The following STX6 variants were observed in gnomAD, a reference collection of about 807,000 sequenced individuals.
STX6 encodes syntaxin 6, also known as syntaxin-6.
In STX6, 23 loss-of-function variants were observed where a neutral mutation model predicts 38.0. That is an observed-to-expected ratio of 0.60 (90% CI 0.43 to 0.86). The LOEUF (loss-of-function observed/expected upper bound fraction) is 0.86. Among genes scored for constraint, STX6 ranks in the 40% least tolerant of loss-of-function variants. The pLI is 0.00. For synonymous variants in STX6, 123 were observed against 107.5 expected, an observed-to-expected ratio of 1.14 and a Z score of -0.89; for missense variants, 274 against 312.9, an observed-to-expected ratio of 0.88 and a Z score of 0.94.
chr1:180,989,854 C>A, intron 5 of STX6, 130 bp downstream of exon 5: 1 of 1,125,452 alleles, frequency 8.9e-7, no homozygotes, highest in Non-Finnish European at 1.3e-6. Flanking sequence ...TTATTAAACA[C>A]AATCAACACA....
intron 7 of STX6, among the ~76,000 whole-genome samples, chr1:180,979,075 A>G (rs756686433): frequency 6.6e-6 from 1 of 152,250 alleles, no homozygotes; most frequent in Non-Finnish European, 1.5e-5. Flanking sequence ...ACATGCAAGA[A>G]CACATGGATA....
intron 3 of STX6, among the ~76,000 whole-genome samples, chr1:180,995,217 G>C (rs371988367): frequency 6.6e-6 from 1 of 151,944 alleles, no homozygotes; most frequent in Non-Finnish European, 1.5e-5. Context: ...CACCTCGGCC[G>C]CCCAAAGTGC....
intron 1 of STX6, among the ~76,000 whole-genome samples, chr1:181,008,336 T>C (rs887231409): frequency 6.6e-6 from 1 of 152,124 alleles, no homozygotes; most frequent in Admixed American, 6.5e-5. Context: ...GGACCAGAAA[T>C]GTTTGGGATT....
rs1038290881 is a variant in STX6 at position 180,976,401 on chromosome 1, C to T, written c.*169G>A. 7 of 640,422 alleles carry T rather than the reference C, an allele frequency of 1.1e-5. No homozygotes were observed. Among genetic ancestry groups the T allele is most frequent in the Middle Eastern group, 4.2e-4 (1 of 2,392 alleles). The allele number at this position is 640,422 out of a possible 1,614,324, so 39.7% of individuals were successfully genotyped here. ...TTCCTCTTCCCACTGGCCCTTCCAG[C>T]GCTGGGATGGAGGAGCCATGTCAAT... is the stretch of plus-strand genomic sequence containing the variant. On this transcript the variant is annotated 3_prime_UTR_variant, in exon 8 of 8. Coordinates refer to ENST00000258301, the MANE Select transcript of STX6 (RefSeq NM_005819.6).
At chr1:180,982,250 A>G (rs1444965285) in intron 7 of STX6, among the ~76,000 whole-genome samples, 2 of 152,190 alleles carry the variant, frequency 1.3e-5, no homozygotes, top group Non-Finnish European at 2.9e-5. Context: ...AACTTCTGCA[A>G]AAATTATGGA....
chr1:181,000,159 C>T (rs1279777462), intron 3 of STX6, among the ~76,000 whole-genome samples: 1 of 152,198 alleles, frequency 6.6e-6, no homozygotes, highest in African/African-American at 2.4e-5. Flanking sequence ...TGATTTAAAA[C>T]CCTAAAATAT....
chr1:181,012,427 C>T (rs933519613), intron 1 of STX6, among the ~76,000 whole-genome samples: 9 of 152,234 alleles, frequency 5.9e-5, no homozygotes, highest in Admixed American at 4.6e-4. Flanking sequence ...CTTTTCCTCC[C>T]TGCTGTCTAC....
chr1:180,995,613 T>C (rs1298439055), intron 3 of STX6, among the ~76,000 whole-genome samples: 2 of 152,208 alleles, frequency 1.3e-5, no homozygotes, highest in Non-Finnish European at 2.9e-5. Context: ...CCCAGCACTT[T>C]GGGAAGCCAA....
chr1:181,000,915 AT>A (rs1189875358), intron 3 of STX6, among the ~76,000 whole-genome samples: 2 of 150,548 alleles, frequency 1.3e-5, no homozygotes, highest in African/African-American at 4.9e-5. Flanking sequence ...ATAATTGGGG[AT>A]TTACTTATCT....
intron 3 of STX6, among the ~76,000 whole-genome samples, chr1:180,995,792 G>A (rs1259027177): frequency 6.6e-6 from 1 of 152,124 alleles, no homozygotes. Flanking sequence ...TGCAAGTATG[G>A]GAAAGTGACA....
At position 180,993,366 on chromosome 1, in the gene STX6, T is replaced by C. The variant is rs1655807231; in HGVS notation, c.360A>G (p.Arg120=). 1 of 1,543,482 alleles carries C rather than the reference T, an allele frequency of 6.5e-7. No individual in the cohort carries two copies. The highest frequency in any genetic ancestry group is 9.0e-7 in the Non-Finnish European group (1 of 1,116,880). Residue 120 remains arginine (R), a synonymous_variant, in exon 4 of 8, where the codon AGA becomes AGG. Coordinates refer to ENST00000258301, the MANE Select transcript of STX6 (RefSeq NM_005819.6). The part of the protein sequence containing the change: ...SVQALAERKN[R]QALLGDSGSQ... ...TTATATTCTGATGTTTTCTCACCTG[T>C]CTATTTTTTCTTTCAGCTAATGCCT...
Position 180,973,253 on chromosome 1 carries a change from T to C in STX6, c.*3317A>G, listed in dbSNP as rs913547710. The C allele has an allele frequency of 6.6e-6, 1 of 152,200 alleles. No homozygotes were observed. The highest frequency in any genetic ancestry group is 2.4e-5 in the African/African-American group (1 of 41,430). 9.4% of individuals were successfully genotyped at this position (152,200 alleles called of 1,614,324 possible). A position where few individuals can be genotyped will look rare whatever the true frequency, so the allele number is the denominator to read the frequency against. ...TGCAGTACAAGGTGAAGCCAAATGG[T>C]ACAAAGTCCACAGAATTGAAAAGCC... is the stretch of plus-strand genomic sequence containing the variant. On this transcript the variant is annotated 3_prime_UTR_variant, in exon 8 of 8. Coordinates refer to ENST00000258301, the MANE Select transcript of STX6 (RefSeq NM_005819.6).
At chr1:181,019,928 C>T (rs375153277) in intron 1 of STX6, among the ~76,000 whole-genome samples, 5 of 151,910 alleles carry the variant, frequency 3.3e-5, no homozygotes, top group South Asian at 2.1e-4. Flanking sequence ...TTTGGGAGGC[C>T]GAGACAGGTG....
chr1:180,976,402 G>A lies in STX6; in HGVS notation c.*168C>T, dbSNP rs1012898614. 6 of 642,508 alleles carry A rather than the reference G, an allele frequency of 9.3e-6. No individual in the cohort carries two copies. The highest frequency in any genetic ancestry group is 5.5e-5 in the East Asian group (2 of 36,682). 39.8% of individuals were successfully genotyped at this position (642,508 alleles called of 1,614,324 possible). The stretch of plus-strand genomic sequence containing the variant: ...TCCTCTTCCCACTGGCCCTTCCAGC[G>A]CTGGGATGGAGGAGCCATGTCAATT... On this transcript the variant is annotated 3_prime_UTR_variant, in exon 8 of 8. Transcript: ENST00000258301.
intron 3 of STX6, 55 bp downstream of exon 3, chr1:181,002,551 C>T: frequency 7.7e-7 from 1 of 1,303,352 alleles, no homozygotes; most frequent in South Asian, 1.3e-5. Flanking sequence ...GGAAAGAGCT[C>T]TAAGAAGTCT....
chr1:181,003,838 T>C (rs146266342), intron 2 of STX6, among the ~76,000 whole-genome samples: 2 of 152,348 alleles, frequency 1.3e-5, no homozygotes, highest in African/African-American at 4.8e-5. Flanking sequence ...GTCAGATCAG[T>C]GGACTTACTT....
intron 1 of STX6, among the ~76,000 whole-genome samples, chr1:181,013,114 A>G (rs370322016): frequency 1.3e-5 from 2 of 151,814 alleles, no homozygotes; most frequent in African/African-American, 4.8e-5. Context: ...TCACCAAACT[A>G]GCCTCTGGGG....
chr1:181,014,120 G>A (rs765268578), intron 1 of STX6, among the ~76,000 whole-genome samples: 19 of 152,282 alleles, frequency 1.2e-4, no homozygotes, highest in East Asian at 5.8e-4. Flanking sequence ...ACAAACAGCC[G>A]GGCGTGGTGG....
chr1:181,019,530 T>C (rs1302726698), intron 1 of STX6, among the ~76,000 whole-genome samples: 1 of 152,150 alleles, frequency 6.6e-6, no homozygotes, highest in Non-Finnish European at 1.5e-5. Flanking sequence ...TGGGTGCATG[T>C]AGAGTAAGAG....
Sources: gnomAD v4.1 joint callset for allele counts (sites outside exome capture counted in the v4.1 genomes callset) on GRCh38, gnomAD v4.1.1 for gene constraint, MANE v1.5 for transcripts, NCBI Gene and HGNC (gene_info 2026-07-23, HGNC 2026-07-21) for gene names.